The following PLD5 variants were observed in gnomAD, a reference collection of about 807,000 sequenced individuals.
The protein encoded by PLD5 is phospholipase D family member 5, also known as inactive phospholipase D5.
PLD5 carries 36 observed loss-of-function variants against 61.1 expected under a neutral mutation model. The ratio of observed to expected loss-of-function variants is 0.59; its 90% CI spans 0.45 to 0.78. The LOEUF is 0.78. Ranked by LOEUF, PLD5 falls within the 30% of genes least tolerant of loss-of-function variation. PLD5 has a pLI of 0.00. For missense variants in PLD5, 515 were observed against 644.4 expected, an observed-to-expected ratio of 0.80 and a Z score of 2.17; for synonymous variants, 243 against 242.8, an observed-to-expected ratio of 1.00 and a Z score of -0.01.
At chr1:242,489,061 G>T (rs1056552037) in intron 1 of PLD5, among the ~76,000 whole-genome samples, 3 of 152,104 alleles carry the variant, frequency 2.0e-5, no homozygotes, top group Non-Finnish European at 4.4e-5. Flanking sequence ...GCACCAATAT[G>T]GATCTATTTC....
intron 2 of PLD5, among the ~76,000 whole-genome samples, chr1:242,340,394 C>A (rs1299129774): frequency 6.7e-6 from 1 of 149,856 alleles, no homozygotes; most frequent in Non-Finnish European, 1.5e-5. Flanking sequence ...CAATACAAAG[C>A]AAAATAGATC....
intron 5 of PLD5, among the ~76,000 whole-genome samples, chr1:242,204,404 G>A (rs74150847): frequency 0.011 from 1,623 of 152,268 alleles, 26 homozygotes; most frequent in African/African-American, 0.037. Context: ...CAAGGGATAC[G>A]GCCACTAGTC....
chr1:242,104,070 A>T (rs559666699), intron 8 of PLD5, among the ~76,000 whole-genome samples: 3 of 152,296 alleles, frequency 2.0e-5, no homozygotes, highest in African/African-American at 7.2e-5. Context: ...ATCCTCAGGG[A>T]TATAATTCGG....
intron 1 of PLD5, among the ~76,000 whole-genome samples, chr1:242,447,457 C>T (rs932377346): frequency 2.0e-5 from 3 of 152,098 alleles, no homozygotes; most frequent in African/African-American, 7.2e-5. Context: ...ACTCCTCTTC[C>T]GGTCAGTGGT....
intron 6 of PLD5, among the ~76,000 whole-genome samples, chr1:242,119,375 A>G (rs970934825): frequency 1.3e-5 from 2 of 152,212 alleles, no homozygotes; most frequent in African/African-American, 4.8e-5. Context: ...TTTAAACCAG[A>G]CACCTGAACC....
At position 242,246,349 on chromosome 1, in the gene PLD5, G is replaced by C. The variant is rs151199772; in HGVS notation, c.607+18988C>G. Among the ~76,000 whole-genome samples, 1,148 of 152,206 alleles carry C rather than the reference G, an allele frequency of 7.5e-3. 22 individuals carry two copies. Among genetic ancestry groups the C allele is most frequent in the African/African-American group, 0.026 (1,062 of 41,528 alleles). ...TAACTGCACTGCAGCCCGGGCAACA[G>C]AGCCAGACCCTGTCTCCAATAAATA... On this transcript the variant is annotated intron_variant, in intron 4 of 9. Transcript: ENST00000536534.
intron 3 of PLD5, among the ~76,000 whole-genome samples, chr1:242,286,120 T>C (rs1675008185): frequency 6.6e-6 from 1 of 151,700 alleles, no homozygotes; most frequent in African/African-American, 2.4e-5. Context: ...AAAAATAAAA[T>C]AAAATAAAAT....
chr1:242,252,352 T>G (rs1672750828), intron 4 of PLD5, among the ~76,000 whole-genome samples: 3 of 152,164 alleles, frequency 2.0e-5, no homozygotes, highest in African/African-American at 7.2e-5. Context: ...TCTTACTCAC[T>G]CATGAGGATA....
At chr1:242,506,258 T>C (rs74150744) in intron 1 of PLD5, among the ~76,000 whole-genome samples, 2,825 of 152,254 alleles carry the variant, frequency 0.019, 95 homozygotes, top group African/African-American at 0.062. Flanking sequence ...GATCTATATC[T>C]AGGAAATTAA....
rs146432348 is a variant in PLD5, at chr1:242,133,014, C to T, written c.736-8349G>A. On this transcript the variant is annotated intron_variant, in intron 5 of 9. Transcript: ENST00000536534. ...TCCCTTTGCAGCCACCCCTCCCACT[C>T]CCCCCTCTCTTCCCACCCCCGCACA... is the stretch of plus-strand genomic sequence containing the variant. Among the ~76,000 whole-genome samples the T allele has an allele frequency of 5.0e-3, 743 of 149,890 alleles. 18 individuals carry two copies. In the East Asian group the frequency reaches 0.062, roughly 12 times the overall value.
intron 1 of PLD5, among the ~76,000 whole-genome samples, chr1:242,400,729 G>C (rs1663884721): frequency 6.6e-6 from 1 of 152,064 alleles, no homozygotes; most frequent in African/African-American, 2.4e-5. Context: ...CCACCCGCCT[G>C]CTTTTCCAGC....
At position 242,511,979 on chromosome 1, in the gene PLD5, C is replaced by A. The variant is rs143243741; in HGVS notation, c.189+12109G>T. On this transcript the variant is annotated intron_variant, in intron 1 of 9. Transcript: ENST00000536534. ...GGGAATCTCATAGGCAGACTCTTAG[C>A]AATGTGTGCACATGTCACGGACATA... Among the ~76,000 whole-genome samples the A allele has an allele frequency of 6.8e-3, 1,039 of 152,160 alleles. 11 individuals carry two copies. Among genetic ancestry groups the A allele is most frequent in the African/African-American group, 0.023 (975 of 41,526 alleles).
At chr1:242,324,268 A>T (rs139285723) in intron 2 of PLD5, among the ~76,000 whole-genome samples, 8 of 152,346 alleles carry the variant, frequency 5.3e-5, no homozygotes, top group Non-Finnish European at 1.2e-4. Context: ...ACCTCATGTG[A>T]GTAAAAAGCA....
At chr1:242,502,565 C>G (rs1668587603) in intron 1 of PLD5, among the ~76,000 whole-genome samples, 1 of 151,956 alleles carries the variant, frequency 6.6e-6, no homozygotes, top group Non-Finnish European at 1.5e-5. Context: ...TGCATTTTTT[C>G]AAATCATTTA....
At chr1:242,173,145 C>T (rs373264801) in intron 5 of PLD5, among the ~76,000 whole-genome samples, 1 of 152,076 alleles carries the variant, frequency 6.6e-6, no homozygotes, top group East Asian at 1.9e-4. Flanking sequence ...GATTGTATAT[C>T]TAGAAAACCC....
chr1:242,332,119 G>A (rs1659221662), intron 2 of PLD5, among the ~76,000 whole-genome samples: 1 of 151,760 alleles, frequency 6.6e-6, no homozygotes, highest in Non-Finnish European at 1.5e-5. Flanking sequence ...TCCCACTTAT[G>A]AGTGAGAACA....
chr1:242,376,103 A>T (rs1661937337), intron 1 of PLD5, among the ~76,000 whole-genome samples: 1 of 152,236 alleles, frequency 6.6e-6, no homozygotes, highest in Non-Finnish European at 1.5e-5. Flanking sequence ...CAACTTTTAT[A>T]GTAGTCCAGC....
At chr1:242,129,754 ACATTGTACT>A (rs1217252511) in intron 5 of PLD5, among the ~76,000 whole-genome samples, 2 of 152,206 alleles carry the variant, frequency 1.3e-5, no homozygotes, top group Non-Finnish European at 2.9e-5. Context: ...TGGATAGTAT[ACATTGTACT>A]CATTAATTTC....
At chr1:242,186,459 A>C (rs1464924638) in intron 5 of PLD5, among the ~76,000 whole-genome samples, 4 of 152,200 alleles carry the variant, frequency 2.6e-5, no homozygotes. Flanking sequence ...CTGGGATTAT[A>C]GGCATGAGCC....
Sources: allele counts gnomAD v4.1 joint callset (sites outside exome capture counted in the v4.1 genomes callset), GRCh38; gene constraint gnomAD v4.1.1; transcripts MANE v1.5; gene names NCBI Gene and HGNC (gene_info 2026-07-23, HGNC 2026-07-21).